Variants in KDM4C observed in about 807,000 individuals in gnomAD.
KDM4C encodes the protein lysine-specific demethylase 4C.
KDM4C carries 81 observed loss-of-function variants against 129.3 expected under a neutral mutation model. That is an observed-to-expected ratio of 0.63 (90% CI 0.52 to 0.75). The LOEUF (loss-of-function observed/expected upper bound fraction) is 0.75, where lower values mean the gene tolerates loss of function less well. KDM4C is among the 30% of genes least tolerant of loss of function. The pLI is 0.00. For missense variants in KDM4C, 1,457 were observed against 1,304.0 expected, an observed-to-expected ratio of 1.12 and a Z score of -1.81; for synonymous variants, 573 against 456.1, an observed-to-expected ratio of 1.26 and a Z score of -3.26.
chr9:7,053,331 G>A (rs1276500430), intron 17 of KDM4C, among the ~76,000 whole-genome samples: 1 of 152,168 alleles, frequency 6.6e-6, no homozygotes. Flanking sequence ...CGTGCAAGGA[G>A]AATTTTGTGG....
At chr9:6,935,626 C>A (rs1434043276) in intron 8 of KDM4C, among the ~76,000 whole-genome samples, 2 of 151,726 alleles carry the variant, frequency 1.3e-5, no homozygotes, top group African/African-American at 4.8e-5. Context: ...TATATTTCTC[C>A]TTTCTAATTT....
In KDM4C at chr9:6,981,070, T is replaced by A. The variant is rs560744778; in HGVS notation, c.1067T>A (p.Val356Glu). Residue 356 changes from valine (V) to glutamate (E), a missense_variant, in exon 9 of 22, where the codon GTA becomes GAA. Transcript: ENST00000381309. Reference sequence around the variant, plus strand: ...CCTACTCCAGCATCCACCCCTGAAGTAAAAGCATGGCTGCAGAGGAGGAGG... The same window carrying A: ...CCTACTCCAGCATCCACCCCTGAAGAAAAAGCATGGCTGCAGAGGAGGAGG... ...TKPTPASTPE[V>E]KAWLQRRRKV... 4.8e-5 allele frequency: 78 copies of A among 1,613,234 alleles called. No homozygotes were observed. In the South Asian group the frequency reaches 7.1e-4, roughly 15 times the overall value.
At chr9:6,993,835 T>G (rs1235947162) in intron 12 of KDM4C, among the ~76,000 whole-genome samples, 1 of 152,210 alleles carries the variant, frequency 6.6e-6, no homozygotes, top group Admixed American at 6.5e-5. Flanking sequence ...GTAAAATGCT[T>G]CAGTACAGGT....
intron 4 of KDM4C, among the ~76,000 whole-genome samples, chr9:6,818,276 A>G (rs943995654): frequency 1.3e-5 from 2 of 152,172 alleles, no homozygotes; most frequent in Non-Finnish European, 2.9e-5. Context: ...TAGACTACCA[A>G]TTTCAAATCG....
chr9:6,995,907 A>AT (rs1819635694), intron 12 of KDM4C, among the ~76,000 whole-genome samples: 4 of 152,102 alleles, frequency 2.6e-5, no homozygotes, highest in South Asian at 2.1e-4. Context: ...TGACCTCGTG[A>AT]TCTGCCCACC....
intron 1 of KDM4C, among the ~76,000 whole-genome samples, chr9:6,780,441 T>C (rs1824071284): frequency 1.3e-5 from 2 of 151,748 alleles, no homozygotes; most frequent in Admixed American, 6.6e-5. Flanking sequence ...CTAATTCTCA[T>C]ACTGTTATTA....
intron 1 of KDM4C, among the ~76,000 whole-genome samples, chr9:6,745,997 G>T (rs1588058128): frequency 6.6e-6 from 1 of 151,944 alleles, no homozygotes; most frequent in East Asian, 1.9e-4. Context: ...GTACAGACGG[G>T]GTTTCACCAT....
rs537532347 is a variant in KDM4C at position 7,128,125 on chromosome 9, G to A, written c.2670G>A (p.Arg890=). The change falls in exon 19 of 22, where the codon CGG becomes CGA. Residue 890 remains arginine (R), a synonymous_variant. Transcript: ENST00000381309. ...GTCAAACGGTCATCACGAAGCATCG[G>A]AACACCCGGTATTACAGTTGCAGAG... ...SVGQTVITKH[R]NTRYYSCRVM... The A allele has an allele frequency of 3.2e-5, 52 of 1,612,446 alleles. No individual in the cohort carries two copies. In the South Asian group the frequency reaches 5.4e-4, roughly 17 times the overall value.
At chr9:7,016,037 G>T in intron 15 of KDM4C, 108 bp downstream of exon 15, 1 of 638,304 alleles carries the variant, frequency 1.6e-6, no homozygotes, top group South Asian at 2.4e-5. Flanking sequence ...TATATGTGCA[G>T]TTCTGCACTT....
chr9:7,159,469 C>T (rs939605024), intron 19 of KDM4C, among the ~76,000 whole-genome samples: 1 of 152,154 alleles, frequency 6.6e-6, no homozygotes, highest in African/African-American at 2.4e-5. Flanking sequence ...GTGGCTGCTA[C>T]CGGTTGTTTC....
At chr9:6,949,156 C>T (rs1265302855) in intron 8 of KDM4C, among the ~76,000 whole-genome samples, 1 of 149,616 alleles carries the variant, frequency 6.7e-6, no homozygotes, top group Non-Finnish European at 1.5e-5. Context: ...GGAGGGGCTC[C>T]TCACTTCTTA....
intron 15 of KDM4C, among the ~76,000 whole-genome samples, chr9:7,042,507 G>C (rs1376939465): frequency 6.6e-6 from 1 of 152,072 alleles, no homozygotes; most frequent in African/African-American, 2.4e-5. Flanking sequence ...GTTATATGCT[G>C]TCGGGTAACA....
In KDM4C at chr9:6,995,141, A is replaced by T. The variant is rs1296490088; in HGVS notation, c.1786+4617A>T. Among the ~76,000 whole-genome samples, 4 of 144,276 alleles carry T rather than the reference A, an allele frequency of 2.8e-5. No homozygotes were observed. The Middle Eastern group carries it at 0.011, about 392-fold the overall frequency. The allele number at this position is 144,276 out of a possible 152,430, so 94.7% of individuals were successfully genotyped here. A position where few individuals can be genotyped will look rare whatever the true frequency, so the allele number is the denominator to read the frequency against. ...ATTAGAGAATGGGTTTTTTCCTAGG[A>T]TTTTTTTTTTTTTTGGATTGCTGAG... On this transcript the variant is annotated intron_variant, in intron 12 of 21. Coordinates refer to ENST00000381309, the MANE Select transcript of KDM4C (RefSeq NM_015061.6).
At chr9:7,095,175 G>T (rs912212488) in intron 17 of KDM4C, among the ~76,000 whole-genome samples, 1 of 152,174 alleles carries the variant, frequency 6.6e-6, no homozygotes, top group Non-Finnish European at 1.5e-5. Context: ...TTGCACATCC[G>T]TGAATCAGAG....
At chr9:7,001,791 A>G (rs1820769021) in intron 12 of KDM4C, among the ~76,000 whole-genome samples, 1 of 152,048 alleles carries the variant, frequency 6.6e-6, no homozygotes, top group Non-Finnish European at 1.5e-5. Flanking sequence ...GCTAGTGTTA[A>G]TAGTTTCTTG....
intron 8 of KDM4C, among the ~76,000 whole-genome samples, chr9:6,903,787 C>T (rs186258267): frequency 2.6e-4 from 40 of 152,234 alleles, no homozygotes; most frequent in East Asian, 5.8e-4. Context: ...TATTTAATGG[C>T]ACCCTTTCTA....
At chr9:6,730,670 G>GA (rs915650515) in intron 1 of KDM4C, among the ~76,000 whole-genome samples, 7 of 151,920 alleles carry the variant, frequency 4.6e-5, no homozygotes, top group Non-Finnish European at 1.0e-4. Context: ...AATGATTCAT[G>GA]AATCAGGTAG....
chr9:6,986,741 C>G (rs1817786385), intron 11 of KDM4C, 75 bp downstream of exon 11: 5 of 1,032,118 alleles, frequency 4.8e-6, no homozygotes, highest in Non-Finnish European at 7.0e-6. Flanking sequence ...ATGCTGTGCA[C>G]TGAAATCCTC....
chr9:6,951,446 A>T (rs971037049), intron 8 of KDM4C, among the ~76,000 whole-genome samples: 7 of 152,216 alleles, frequency 4.6e-5, no homozygotes, highest in African/African-American at 1.7e-4. Flanking sequence ...AGACTGATAC[A>T]TCCCATGAGA....
Sources: allele counts gnomAD v4.1 joint callset (sites outside exome capture counted in the v4.1 genomes callset), GRCh38; gene constraint gnomAD v4.1.1; transcripts MANE v1.5; gene names NCBI Gene and HGNC (gene_info 2026-07-23, HGNC 2026-07-21).